Variants in SNX24 observed in about 807,000 individuals in gnomAD.
SNX24 encodes the protein sorting nexin 24, also known as sorting nexin-24.
In SNX24, 22 loss-of-function variants were observed where a neutral mutation model predicts 28.7. The ratio of observed to expected loss-of-function variants is 0.77; its 90% CI spans 0.55 to 1.10. The LOEUF is 1.10. Among genes scored for constraint, SNX24 ranks in the 50% least tolerant of loss-of-function variants. SNX24 has a pLI of 0.00. For synonymous variants in SNX24, 69 were observed against 71.5 expected (o/e 0.96, Z 0.18); for missense variants, 221 against 201.1 (o/e 1.10, Z -0.60).
intron 2 of SNX24, among the ~76,000 whole-genome samples, chr5:122,945,758 A>G (rs1304787071): frequency 4.6e-5 from 7 of 152,132 alleles, no homozygotes; most frequent in Non-Finnish European, 1.0e-4. Flanking sequence ...CTTTACTTTC[A>G]TTTTTATTCA....
At chr5:122,905,125 A>G (rs1757593587) in intron 1 of SNX24, among the ~76,000 whole-genome samples, 1 of 151,666 alleles carries the variant, frequency 6.6e-6, no homozygotes, top group Admixed American at 6.6e-5. Flanking sequence ...TGTAGATGTG[A>G]AACAAGACTA....
At chr5:122,997,543 G>A (rs2081577190) in intron 3 of SNX24, among the ~76,000 whole-genome samples, 1 of 152,152 alleles carries the variant, frequency 6.6e-6, no homozygotes, top group Admixed American at 6.5e-5. Context: ...CGTAGATGTA[G>A]CCAGTGCATT....
At chr5:122,897,645 AAT>A (rs1281989333) in intron 1 of SNX24, among the ~76,000 whole-genome samples, 1 of 152,224 alleles carries the variant, frequency 6.6e-6, no homozygotes, top group Non-Finnish European at 1.5e-5. Context: ...ACGTGCAATG[AAT>A]ATGTGTGTGT....
At chr5:122,969,146 AATTT>A (rs1561672692) in intron 3 of SNX24, among the ~76,000 whole-genome samples, 1 of 152,160 alleles carries the variant, frequency 6.6e-6, no homozygotes, top group Non-Finnish European at 1.5e-5. Flanking sequence ...TTTTGTTTAT[AATTT>A]ATTTATAACT....
intron 3 of SNX24, among the ~76,000 whole-genome samples, chr5:122,976,063 A>G (rs768386168): frequency 1.6e-4 from 25 of 152,202 alleles, no homozygotes; most frequent in Non-Finnish European, 2.6e-4. Flanking sequence ...GAATATTCAT[A>G]TAGTGGAAAG....
At chr5:122,960,910 G>A (rs1056990720) in intron 3 of SNX24, among the ~76,000 whole-genome samples, 1 of 152,098 alleles carries the variant, frequency 6.6e-6, no homozygotes, top group Non-Finnish European at 1.5e-5. Context: ...TACTATCTTA[G>A]AATTATTATT....
intron 5 of SNX24, among the ~76,000 whole-genome samples, chr5:123,021,225 A>G (rs1362077037): frequency 6.6e-6 from 1 of 150,850 alleles, no homozygotes; most frequent in African/African-American, 2.4e-5. Context: ...GTTGTGTTAT[A>G]TATTCATGTA....
chr5:122,994,773 A>C (rs952740440), intron 3 of SNX24, among the ~76,000 whole-genome samples: 1 of 152,194 alleles, frequency 6.6e-6, no homozygotes, highest in Non-Finnish European at 1.5e-5. Flanking sequence ...ATTTAAAGTG[A>C]TATTTCTGAA....
chr5:122,861,371 G>A (rs1022055838), intron 1 of SNX24, among the ~76,000 whole-genome samples: 1 of 152,044 alleles, frequency 6.6e-6, no homozygotes, highest in Non-Finnish European at 1.5e-5. Context: ...ACTTGACCCA[G>A]CCCTGCGAAG....
chr5:122,937,295 G>C (rs1759221007), intron 2 of SNX24, among the ~76,000 whole-genome samples: 1 of 152,174 alleles, frequency 6.6e-6, no homozygotes, highest in African/African-American at 2.4e-5. Flanking sequence ...AAAGACAGGG[G>C]AACACAAGTT....
At chr5:122,995,081 A>T (rs765262514) in intron 3 of SNX24, among the ~76,000 whole-genome samples, 1 of 152,206 alleles carries the variant, frequency 6.6e-6, no homozygotes. Flanking sequence ...TTTCTCTGTT[A>T]ATTCTATACC....
At chr5:122,907,029 C>T (rs112801206) in intron 1 of SNX24, among the ~76,000 whole-genome samples, 2,263 of 152,220 alleles carry the variant, frequency 0.015, 31 homozygotes, top group Middle Eastern at 0.027. Context: ...ATAACATTGA[C>T]TCAAAAAGGA....
At chr5:122,909,312 C>T (rs1259069126) in intron 1 of SNX24, among the ~76,000 whole-genome samples, 1 of 152,138 alleles carries the variant, frequency 6.6e-6, no homozygotes. Flanking sequence ...TTAATCTGTG[C>T]CAGGTACCGT....
intron 5 of SNX24, chr5:123,028,906 G>T (rs778969817): frequency 6.7e-7 from 1 of 1,484,416 alleles, no homozygotes; most frequent in African/African-American, 1.4e-5. Flanking sequence ...AAGTAACAGA[G>T]GCCATACTGA....
intron 1 of SNX24, among the ~76,000 whole-genome samples, chr5:122,897,821 G>A (rs1757268816): frequency 6.6e-6 from 1 of 152,134 alleles, no homozygotes; most frequent in Non-Finnish European, 1.5e-5. Context: ...AGTAATATTA[G>A]TGGAACTTAA....
At chr5:122,917,924 C>CA (rs1758251844) in intron 1 of SNX24, among the ~76,000 whole-genome samples, 1 of 151,776 alleles carries the variant, frequency 6.6e-6, no homozygotes, top group Non-Finnish European at 1.5e-5. Flanking sequence ...ACTAAAAATA[C>CA]AAAAAATTAG....
intron 1 of SNX24, among the ~76,000 whole-genome samples, chr5:122,923,759 T>G (rs1388519188): frequency 6.6e-6 from 1 of 152,210 alleles, no homozygotes. Context: ...GGATCTCATC[T>G]TCCTGATGCT....
chr5:123,016,511 T>A (rs1341887874), intron 5 of SNX24, among the ~76,000 whole-genome samples: 1 of 152,200 alleles, frequency 6.6e-6, no homozygotes, highest in Non-Finnish European at 1.5e-5. Context: ...GCTCACACTT[T>A]ATCTGAGTTA....
At chr5:122,980,024 A>G (rs1260062219) in intron 3 of SNX24, among the ~76,000 whole-genome samples, 1 of 152,226 alleles carries the variant, frequency 6.6e-6, no homozygotes, top group Non-Finnish European at 1.5e-5. Context: ...TAACCTACCG[A>G]TTGTGGGTTT....
Sources: allele counts gnomAD v4.1 joint callset (sites outside exome capture counted in the v4.1 genomes callset), GRCh38; gene constraint gnomAD v4.1.1; transcripts MANE v1.5; gene names NCBI Gene and HGNC (gene_info 2026-07-23, HGNC 2026-07-21).